The following DHX15 variants were observed in gnomAD, a reference collection of about 807,000 sequenced individuals.
DHX15 encodes the protein ATP-dependent RNA helicase DHX15.
DHX15 carries 11 observed loss-of-function variants against 94.4 expected under a neutral mutation model. That is an observed-to-expected ratio of 0.12 (90% confidence interval 0.07 to 0.19). DHX15 has a LOEUF of 0.19. Among genes scored for constraint, DHX15 ranks in the 10% least tolerant of loss-of-function variants. The probability of loss-of-function intolerance (pLI) is 1.00; values close to 1 mark genes in which losing one functional copy is unlikely to be tolerated. For synonymous variants in DHX15, 338 were observed against 329.9 expected, an observed-to-expected ratio of 1.02 and a Z score of -0.27; for missense variants, 304 against 988.5, an observed-to-expected ratio of 0.31 and a Z score of 9.29.
rs182247964 is a variant in DHX15 at position 24,531,317 on chromosome 4, T to C, written c.2100+1547A>G. On this transcript the variant is annotated intron_variant, in intron 12 of 13. Transcript: ENST00000336812. ...GTTAGCCAGGATGGTCTCGATCTCT[T>C]GACCTCGTGATCCACCCGCCTCGGC... Among the ~76,000 whole-genome samples, 185 of 152,036 alleles carry C rather than the reference T, an allele frequency of 1.2e-3. 2 individuals are homozygous for C. In the East Asian group the frequency reaches 0.032, roughly 26 times the overall value.
chr4:24,570,470 A>G (rs554301417), intron 3 of DHX15, among the ~76,000 whole-genome samples, 184 bp downstream of exon 3: 1 of 152,298 alleles, frequency 6.6e-6, no homozygotes, highest in South Asian at 2.1e-4. Flanking sequence ...TTCAATTTCT[A>G]CCAAGTAACT....
rs75928498 is a variant in DHX15 at position 24,540,509 on chromosome 4, G to A, written c.1595-210C>T. 4.0e-3 allele frequency among the ~76,000 whole-genome samples: 608 copies of A among 152,012 alleles called. 2 individuals carry two copies. The highest frequency in any genetic ancestry group is 6.1e-3 in the Non-Finnish European group (415 of 67,954). On this transcript the variant is annotated intron_variant, in intron 9 of 13. Transcript: ENST00000336812. ...CCTGTAGGCAAAACTGTCTTCTTCC[G>A]AAATACATTAAATAATTGCTAATTC... is the stretch of plus-strand genomic sequence containing the variant.
intron 3 of DHX15, among the ~76,000 whole-genome samples, chr4:24,560,440 T>TG (rs144828780): frequency 0.21 from 32,006 of 152,080 alleles, 3,622 homozygotes; most frequent in East Asian, 0.39. Context: ...GGGCAGGGTA[T>TG]GATGCAAAAC....
intron 5 of DHX15, among the ~76,000 whole-genome samples, chr4:24,551,368 T>C (rs941702962): frequency 6.6e-6 from 1 of 152,200 alleles, no homozygotes; most frequent in African/African-American, 2.4e-5. Flanking sequence ...ACATTTACTT[T>C]ATATTTTTTT....
intron 6 of DHX15, among the ~76,000 whole-genome samples, chr4:24,544,464 T>C (rs1560764185): frequency 6.6e-6 from 1 of 152,176 alleles, no homozygotes; most frequent in Non-Finnish European, 1.5e-5. Context: ...AGCAAAGGAA[T>C]AAGAAACCAC....
chr4:24,566,450 G>A lies in DHX15; in HGVS notation c.701+4204C>T, dbSNP rs973180255. Among the ~76,000 whole-genome samples the A allele has an allele frequency of 2.0e-4, 31 of 152,242 alleles. 1 individual carries two copies. The highest frequency in any genetic ancestry group is 1.7e-3 in the Admixed American group (26 of 15,294). ...TGTTTCCAGAGGCACCAAAGAATCC[G>A]CTATGGCAATGCCCTGTAATTCCCT... On this transcript the variant is annotated intron_variant, in intron 3 of 13. Transcript: ENST00000336812.
intron 1 of DHX15, among the ~76,000 whole-genome samples, chr4:24,580,273 G>C (rs1722380602): frequency 6.6e-6 from 1 of 152,046 alleles, no homozygotes; most frequent in Admixed American, 6.5e-5. Context: ...GCTAGGTGGG[G>C]TGGCACGCCT....
rs1291952561 is a variant in DHX15, at chr4:24,537,850, C to T, written c.1787-677G>A. The stretch of plus-strand genomic sequence containing the variant: ...GGCTGGGATATTCAGCCTAGTGTTT[C>T]AGCATTTTAACAAAAGGATTAGAAA... On this transcript the variant is annotated intron_variant, in intron 10 of 13. Coordinates refer to ENST00000336812, the MANE Select transcript of DHX15 (RefSeq NM_001358.3). The surrounding 1 kb of genome is among the most constrained non-coding windows in gnomAD (Gnocchi z 4.7). 6.6e-6 allele frequency: 1 copy of T among 151,970 alleles called. No homozygotes were observed. Among genetic ancestry groups the T allele is most frequent in the Admixed American group, 6.6e-5 (1 of 15,264 alleles). 9.4% of individuals were successfully genotyped at this position (151,970 alleles called of 1,614,324 possible).
At chr4:24,551,737 T>C (rs1721609489) in intron 5 of DHX15, among the ~76,000 whole-genome samples, 2 of 152,220 alleles carry the variant, frequency 1.3e-5, no homozygotes, top group African/African-American at 4.8e-5. Flanking sequence ...GAACATAATA[T>C]AAAACTAGGA....
At chr4:24,569,591 CAAAAA>C (rs60075617) in intron 3 of DHX15, among the ~76,000 whole-genome samples, 19 of 68,654 alleles carry the variant, frequency 2.8e-4, no homozygotes, top group Admixed American at 4.5e-4. Flanking sequence ...GACTCCATCT[CAAAAA>C]AAAAAAAAAA....
rs116345970 is a variant in DHX15 at position 24,575,257 on chromosome 4, T to G, written c.507+986A>C. On this transcript the variant is annotated intron_variant, in intron 2 of 13. Transcript: ENST00000336812. ...CTACAGTACCTTCAAAATGTCTCCA[T>G]GCACATGTAACTTTAGAAAAAGATA... Among the ~76,000 whole-genome samples the G allele has an allele frequency of 3.4e-3, 516 of 152,218 alleles. 3 individuals are homozygous for G. The highest frequency in any genetic ancestry group is 0.012 in the African/African-American group (482 of 41,548).
At chr4:24,583,874 C>T (rs1026105198) in intron 1 of DHX15, among the ~76,000 whole-genome samples, 1 of 152,108 alleles carries the variant, frequency 6.6e-6, no homozygotes, top group African/African-American at 2.4e-5. Context: ...CGCGCCCCCA[C>T]CCAGGCCCTC....
chr4:24,578,688 C>G (rs533591453), intron 1 of DHX15, among the ~76,000 whole-genome samples: 1 of 152,240 alleles, frequency 6.6e-6, no homozygotes, highest in Non-Finnish European at 1.5e-5. Flanking sequence ...ACCTCAGCCT[C>G]CCGAGTAACT....
chr4:24,535,157 G>A (rs370100816), intron 11 of DHX15, among the ~76,000 whole-genome samples: 21 of 151,958 alleles, frequency 1.4e-4, no homozygotes, highest in African/African-American at 4.8e-4. Flanking sequence ...TGCATTTCTT[G>A]GGCAAACAAT....
intron 2 of DHX15, among the ~76,000 whole-genome samples, chr4:24,572,918 T>C (rs1722155693): frequency 6.6e-6 from 1 of 152,064 alleles, no homozygotes; most frequent in South Asian, 2.1e-4. Flanking sequence ...GCTTTTTTGT[T>C]TTTTTCTTTT....
At chr4:24,562,770 G>A (rs1031390296) in intron 3 of DHX15, among the ~76,000 whole-genome samples, 1 of 152,144 alleles carries the variant, frequency 6.6e-6, no homozygotes. Context: ...GCATAGAAAA[G>A]AGTCATATAT....
chr4:24,571,599 G>C (rs1459300558), intron 2 of DHX15, among the ~76,000 whole-genome samples: 1 of 152,242 alleles, frequency 6.6e-6, no homozygotes, highest in East Asian at 1.9e-4. Context: ...AACTGGAAAA[G>C]AACCATGGGA....
At chr4:24,563,245 G>C (rs546775257) in intron 3 of DHX15, 1 of 152,248 alleles carries the variant, frequency 6.6e-6, no homozygotes, top group South Asian at 2.1e-4. Context: ...GCTACTCACA[G>C]ATACAATCCC....
intron 1 of DHX15, among the ~76,000 whole-genome samples, chr4:24,579,733 C>T (rs981971430): frequency 5.3e-5 from 8 of 152,190 alleles, no homozygotes; most frequent in Non-Finnish European, 4.4e-5. Context: ...TGTTGTCTGG[C>T]ACATTGCAAA....
Sources: gnomAD v4.1 joint callset for allele counts (sites outside exome capture counted in the v4.1 genomes callset) on GRCh38, gnomAD v4.1.1 for gene constraint, Gnocchi (gnomAD v3.1) non-coding constraint, MANE v1.5 for transcripts, NCBI Gene and HGNC (gene_info 2026-07-23, HGNC 2026-07-21) for gene names.